Variants in CEP43 observed in about 807,000 individuals in gnomAD.
CEP43 encodes the protein FGFR1 oncogene partner.
Under a neutral mutation model 52.6 loss-of-function variants are expected in CEP43, and 36 were observed. The observed-to-expected ratio is 0.68, with a 90% confidence interval of 0.52 to 0.90. CEP43 has a LOEUF of 0.90. Among genes scored for constraint, CEP43 ranks in the 40% least tolerant of loss-of-function variants. The probability of loss-of-function intolerance (pLI) is 0.00; values close to 1 mark genes in which losing one functional copy is unlikely to be tolerated. For synonymous variants in CEP43, 192 were observed against 172.4 expected, an observed-to-expected ratio of 1.11 and a Z score of -0.89; for missense variants, 506 against 472.8, an observed-to-expected ratio of 1.07 and a Z score of -0.65.
In CEP43 at chr6:167,041,041, A is replaced by C; in HGVS notation, c.*1063A>C. 9.7e-7 allele frequency: 1 copy of C among 1,030,338 alleles called. No individual in the cohort carries two copies. The highest frequency in any genetic ancestry group is 1.2e-6 in the Non-Finnish European group (1 of 856,790). The allele number at this position is 1,030,338 out of a possible 1,614,324, so 63.8% of individuals were successfully genotyped here. A position where few individuals can be genotyped will look rare whatever the true frequency, so the allele number is the denominator to read the frequency against. On this transcript the variant is annotated 3_prime_UTR_variant, in exon 13 of 13. Transcript: ENST00000366847. ...TAGAAAAAACAGTAGAAAGTGATGCATGCATATTTATATATAAGTAAAGCA... is the reference window on the plus strand; with the variant it reads ...TAGAAAAAACAGTAGAAAGTGATGCCTGCATATTTATATATAAGTAAAGCA...
intron 7 of CEP43, among the ~76,000 whole-genome samples, chr6:167,017,842 G>A (rs1780138242): frequency 6.6e-6 from 1 of 152,174 alleles, no homozygotes; most frequent in Non-Finnish European, 1.5e-5. Context: ...AATGACCGTT[G>A]TAGTGCTGTG....
At position 166,999,452 on chromosome 6, in the gene CEP43, A is replaced by G. The variant is rs1183843503; in HGVS notation, c.40A>G (p.Thr14Ala). 2.7e-6 allele frequency: 4 copies of G among 1,484,310 alleles called. No homozygotes were observed. Among genetic ancestry groups the G allele is most frequent in the Admixed American group, 2.3e-5 (1 of 43,122 alleles). The allele number at this position is 1,484,310 out of a possible 1,614,324, so 91.9% of individuals were successfully genotyped here. The change falls in exon 1 of 13, where the codon ACG becomes GCG. Residue 14 changes from threonine to alanine, a missense_variant. By Grantham distance (58) the Thr-to-Ala change is moderately conservative (BLOSUM62 0). Transcript: ENST00000366847. ...TAAAVVAEED[T>A]ELRDLLVQTL... ...GGCCGCAGTGGTGGCCGAGGAGGAC[A>G]CGGAGCTGCGGGACCTGCTGGTGCA...
At chr6:167,003,626 T>C (rs1779787662) in intron 3 of CEP43, 97 bp from the exon 4 acceptor site, 6 of 703,598 alleles carry the variant, frequency 8.5e-6, no homozygotes, top group Non-Finnish European at 1.4e-5. Flanking sequence ...TTTAGAAACC[T>C]TTCTTCCATT....
intron 10 of CEP43, among the ~76,000 whole-genome samples, chr6:167,026,869 G>A (rs1422758882): frequency 1.3e-5 from 2 of 152,158 alleles, no homozygotes; most frequent in East Asian, 3.8e-4. Context: ...AACATTAAAC[G>A]GGCATCTACA....
chr6:166,999,424 G>A lies in CEP43; in HGVS notation c.12G>A (p.Thr4=), dbSNP rs1779671038. MAA[T]AAAVVAEEDT... The stretch of plus-strand genomic sequence containing the variant: ...CTTGGAGAAGCAAGATGGCGGCGAC[G>A]GCGGCCGCAGTGGTGGCCGAGGAGG... The change falls in exon 1 of 13, where the codon ACG becomes ACA. Residue 4 remains threonine, a synonymous_variant. Transcript: ENST00000366847. 12 of 1,473,638 alleles carry A rather than the reference G, an allele frequency of 8.1e-6. No individual in the cohort carries two copies. The highest frequency in any genetic ancestry group is 1.1e-5 in the Non-Finnish European group (12 of 1,110,136). The allele number at this position is 1,473,638 out of a possible 1,614,324, so 91.3% of individuals were successfully genotyped here.
chr6:167,036,299 G>A (rs1780584085), intron 12 of CEP43: 1 of 985,448 alleles, frequency 1.0e-6, no homozygotes. Flanking sequence ...GGACATGTCA[G>A]TGCTGCCCTG....
chr6:167,000,156 C>T, intron 2 of CEP43, 43 bp downstream of exon 2: 8 of 1,384,834 alleles, frequency 5.8e-6, no homozygotes, highest in Non-Finnish European at 8.1e-6. Flanking sequence ...TTCGTTAATA[C>T]TTAATTTCTT....
At chr6:167,028,127 A>C in intron 10 of CEP43, 2 of 985,640 alleles carry the variant, frequency 2.0e-6, no homozygotes, top group Non-Finnish European at 2.4e-6. Context: ...CTGCACCGTG[A>C]TGGCCGCCTT....
At position 167,020,908 on chromosome 6, in the gene CEP43, C is replaced by CA. The variant is rs147460349; in HGVS notation, c.580-1477dup. The stretch of plus-strand genomic sequence containing the variant: ...TGAGTGACAGAGCGAGACTCTGTCT[C>CA]AAAAAAAAAAAAAAAAAAAAAAAAG... On this transcript the variant is annotated intron_variant, in intron 7 of 12. Coordinates refer to ENST00000366847, the MANE Select transcript of CEP43 (RefSeq NM_007045.4). Among the ~76,000 whole-genome samples, 401 of 78,884 alleles carry CA rather than the reference C, an allele frequency of 5.1e-3. 4 individuals carry two copies. Among genetic ancestry groups the CA allele is most frequent in the African/African-American group, 0.011 (207 of 19,278 alleles). The allele number at this position is 78,884 out of a possible 152,430, so 51.8% of individuals were successfully genotyped here. A position where few individuals can be genotyped will look rare whatever the true frequency, so the allele number is the denominator to read the frequency against.
At position 167,003,729 on chromosome 6, in the gene CEP43, T is replaced by G; in HGVS notation, c.218T>G (p.Leu73Ter). The G allele has an allele frequency of 6.2e-7, 1 of 1,608,392 alleles. No homozygotes were observed. The highest frequency in any genetic ancestry group is 8.5e-7 in the Non-Finnish European group (1 of 1,176,024). Residue 73 changes from leucine to a stop codon, truncating the protein, a stop_gained, in exon 4 of 13, where the codon TTA becomes TGA. Transcript: ENST00000366847. LOFTEE classifies it high-confidence loss of function. ...TTTTTCTTGATCTTTATAGGTCGTTTAGTGGCTAGTCTTGTTGCAGAATTT... is the reference window on the plus strand; with the variant it reads ...TTTTTCTTGATCTTTATAGGTCGTTGAGTGGCTAGTCTTGTTGCAGAATTT... The part of the protein sequence containing the change: ...KKFLNTKDGR[L>*]VASLVAEFLQ...
At chr6:167,018,315 G>A (rs768522430) in intron 7 of CEP43, among the ~76,000 whole-genome samples, 4 of 152,160 alleles carry the variant, frequency 2.6e-5, no homozygotes, top group Non-Finnish European at 5.9e-5. Flanking sequence ...TATTTCATTT[G>A]TGGGATACAG....
rs565366864 is a variant in CEP43, at chr6:167,049,250, C to T, written c.*9272C>T. ...TTTTATATACTTTTGTATTCACTTTCGAAAAGAAGGCAACTCTAAATTTTA... is the reference window on the plus strand; with the variant it reads ...TTTTATATACTTTTGTATTCACTTTTGAAAAGAAGGCAACTCTAAATTTTA... On this transcript the variant is annotated 3_prime_UTR_variant, in exon 13 of 13. Transcript: ENST00000366847. 6.6e-6 allele frequency: 1 copy of T among 152,100 alleles called. No homozygotes were observed. The highest frequency in any genetic ancestry group is 1.5e-5 in the Non-Finnish European group (1 of 68,026). 9.4% of individuals were successfully genotyped at this position (152,100 alleles called of 1,614,324 possible).
At chr6:167,002,540 A>G (rs1779761963) in intron 2 of CEP43, among the ~76,000 whole-genome samples, 1 of 152,242 alleles carries the variant, frequency 6.6e-6, no homozygotes, top group Admixed American at 6.5e-5. Flanking sequence ...TTTAAGAAAC[A>G]CTACCAAATT....
At chr6:167,012,367 A>AC (rs1374378900) in intron 6 of CEP43, among the ~76,000 whole-genome samples, 1 of 149,912 alleles carries the variant, frequency 6.7e-6, no homozygotes, top group Non-Finnish European at 1.5e-5. Flanking sequence ...TTTTTTTAAA[A>AC]TTTTTTTTTT....
At chr6:167,005,069 C>A (rs149452069) in intron 5 of CEP43, among the ~76,000 whole-genome samples, 5 of 152,210 alleles carry the variant, frequency 3.3e-5, no homozygotes, top group African/African-American at 1.2e-4. Flanking sequence ...CAGGTAACAT[C>A]TGTAACTGTT....
intron 9 of CEP43, among the ~76,000 whole-genome samples, chr6:167,025,809 A>G (rs2128665211): frequency 6.6e-6 from 1 of 152,350 alleles, no homozygotes; most frequent in Non-Finnish European, 1.5e-5. Flanking sequence ...TCATTCTGAC[A>G]TTGATTAGAG....
chr6:167,030,238 C>T (rs538328658), intron 10 of CEP43, among the ~76,000 whole-genome samples: 1 of 152,222 alleles, frequency 6.6e-6, no homozygotes, highest in African/African-American at 2.4e-5. Flanking sequence ...CACAGCCGTC[C>T]TCGCTGTCTC....
chr6:167,007,106 G>A (rs1394972700), intron 5 of CEP43, among the ~76,000 whole-genome samples: 1 of 152,166 alleles, frequency 6.6e-6, no homozygotes, highest in African/African-American at 2.4e-5. Flanking sequence ...CAGTTCTTCT[G>A]TCAGGAAGGA....
intron 10 of CEP43, among the ~76,000 whole-genome samples, 158 bp downstream of exon 10, chr6:167,026,773 G>A (rs1379331944): frequency 6.6e-6 from 1 of 152,206 alleles, no homozygotes; most frequent in African/African-American, 2.4e-5. Flanking sequence ...AGGATTACAC[G>A]CTATGCGAGA....
Sources: allele counts gnomAD v4.1 joint callset (sites outside exome capture counted in the v4.1 genomes callset), GRCh38; gene constraint gnomAD v4.1.1; transcripts MANE v1.5; gene names NCBI Gene and HGNC (gene_info 2026-07-23, HGNC 2026-07-21).